The following PACC1 variants were observed in gnomAD, a reference collection of about 807,000 sequenced individuals.
PACC1 encodes proton-activated chloride channel.
Under a neutral mutation model 39.7 loss-of-function variants are expected in PACC1, and 34 were observed. That is an observed-to-expected ratio of 0.86 (90% confidence interval 0.65 to 1.14). The LOEUF (loss-of-function observed/expected upper bound fraction) is 1.14. PACC1 is among the 50% of genes most tolerant of loss of function. The pLI, the probability that PACC1 is intolerant of heterozygous loss-of-function variation, is 0.00. For missense variants in PACC1, 379 were observed against 436.4 expected, an observed-to-expected ratio of 0.87 and a Z score of 1.17; for synonymous variants, 127 against 160.6, an observed-to-expected ratio of 0.79 and a Z score of 1.58.
intron 5 of PACC1, 116 bp downstream of exon 5, chr1:212,379,779 T>C (rs1254272255): frequency 3.8e-6 from 5 of 1,324,722 alleles, no homozygotes; most frequent in Non-Finnish European, 5.2e-6. Flanking sequence ...GTGGGTCATC[T>C]GAGAATGCCC....
chr1:212,393,924 C>A (rs1661421067), intron 2 of PACC1, among the ~76,000 whole-genome samples: 10 of 149,742 alleles, frequency 6.7e-5, no homozygotes, highest in Admixed American at 1.3e-4. Flanking sequence ...ATAACAGGCT[C>A]TGAAATTGAG....
At chr1:212,367,933 T>G (rs562935908) in intron 7 of PACC1, among the ~76,000 whole-genome samples, 104 of 152,218 alleles carry the variant, frequency 6.8e-4, no homozygotes, top group Non-Finnish European at 8.5e-4. Flanking sequence ...CAAACCCCAG[T>G]ATTGCATTGG....
Sources: gnomAD v4.1 joint callset for allele counts (sites outside exome capture counted in the v4.1 genomes callset) on GRCh38, gnomAD v4.1.1 for gene constraint, MANE v1.5 for transcripts, NCBI Gene and HGNC (gene_info 2026-07-23, HGNC 2026-07-21) for gene names.